The following LOXL2 variants were observed in gnomAD, a reference collection of about 807,000 sequenced individuals.
The protein encoded by LOXL2 is lysyl oxidase homolog 2.
Under a neutral mutation model 93.0 loss-of-function variants are expected in LOXL2, and 70 were observed. The observed-to-expected ratio is 0.75, with a 90% CI of 0.62 to 0.92. The LOEUF (loss-of-function observed/expected upper bound fraction) is 0.92. LOXL2 is among the 40% of genes least tolerant of loss of function. The pLI, the probability that LOXL2 is intolerant of heterozygous loss-of-function variation, is 0.00. For missense variants in LOXL2, 973 were observed against 1,054.9 expected (o/e 0.92, Z 1.08); for synonymous variants, 438 against 413.2 (o/e 1.06, Z -0.73).
chr8:23,346,118 A>T (rs1803970621), intron 3 of LOXL2, among the ~76,000 whole-genome samples: 1 of 64,048 alleles, frequency 1.6e-5, no homozygotes, highest in Admixed American at 1.7e-4. Context: ...AAATAAAATT[A>T]AAATAAAATA....
In LOXL2 at chr8:23,300,696, T is replaced by C. The variant is rs187849065; in HGVS notation, c.2133+1331A>G. 3.2e-3 allele frequency among the ~76,000 whole-genome samples: 493 copies of C among 152,312 alleles called. 3 individuals carry two copies. The highest frequency in any genetic ancestry group is 3.6e-3 in the Non-Finnish European group (248 of 68,024). On this transcript the variant is annotated intron_variant, in intron 12 of 13. Coordinates refer to ENST00000389131, the MANE Select transcript of LOXL2 (RefSeq NM_002318.3). ...AATAAAGAGTTGATATGTCTGGGGT[T>C]GGGTGGCCGTGAAATGAGGGTAATG...
chr8:23,397,850 ACTCGGGAGGCTGAGGCAGGAGAATCTC>A (rs1800111591), intron 1 of LOXL2, among the ~76,000 whole-genome samples: 1 of 150,224 alleles, frequency 6.7e-6, no homozygotes. Context: ...AATCCCAGCT[ACTCGGGAGGCTGAGGCAGGAGAATCTC>A]TTGAACCTGG....
intron 4 of LOXL2, among the ~76,000 whole-genome samples, chr8:23,334,841 G>A (rs1166455280): frequency 1.3e-5 from 2 of 149,854 alleles, no homozygotes; most frequent in Non-Finnish European, 3.0e-5. Context: ...TTTTGAGATG[G>A]AGTCTCACTC....
Position 23,322,170 on chromosome 8 carries a change from C to G in LOXL2, c.1262G>C (p.Gly421Ala). 1 of 1,614,230 alleles carries G rather than the reference C, an allele frequency of 6.2e-7. No individual in the cohort carries two copies. The highest frequency in any genetic ancestry group is 8.5e-7 in the Non-Finnish European group (1 of 1,180,030). Residue 421 changes from glycine (G) to alanine (A), a missense_variant, in exon 7 of 14, where the codon GGT becomes GCT. By Grantham distance (60) the Gly-to-Ala change is moderately conservative (BLOSUM62 0). Coordinates refer to ENST00000389131, the MANE Select transcript of LOXL2 (RefSeq NM_002318.3). ...SQGCNHEEDA[G>A]VRCNTPAMGL... ...CATGGCAGGGGTGTTGCATCTCACA[C>G]CAGCATCCTCCTCGTGGTTGCAGCC...
At chr8:23,392,131 A>T (rs533948466) in intron 1 of LOXL2, among the ~76,000 whole-genome samples, 1 of 152,182 alleles carries the variant, frequency 6.6e-6, no homozygotes, top group Non-Finnish European at 1.5e-5. Context: ...TGCTTGTCCT[A>T]TGACAGCCAA....
chr8:23,298,796 C>T, intron 13 of LOXL2, 40 bp downstream of exon 13: 4 of 1,320,472 alleles, frequency 3.0e-6, no homozygotes, highest in South Asian at 1.2e-5. Context: ...AGTAGGGCAG[C>T]TCCCGCCTGC....
rs1358873733 is a variant in LOXL2, at chr8:23,309,862, G to T, written c.1686C>A (p.Tyr562Ter). Residue 562 changes from tyrosine (Y) to a stop codon, truncating the protein, a stop_gained, in exon 10 of 14, where the codon TAC becomes TAA. Coordinates refer to ENST00000389131, the MANE Select transcript of LOXL2 (RefSeq NM_002318.3). LOFTEE classifies it high-confidence loss of function. The part of the protein sequence containing the change: ...LNAEMVQQTT[Y>*]LEDRPMFMLQ... Reference sequence around the variant, plus strand: ...GCATGAACATGGGCCGGTCCTCCAGGTAGGTGGTCTGCTGCACCATCTCCG... The same window carrying T: ...GCATGAACATGGGCCGGTCCTCCAGTTAGGTGGTCTGCTGCACCATCTCCG... 1 of 1,585,714 alleles carries T rather than the reference G, an allele frequency of 6.3e-7. No homozygotes were observed.
chr8:23,336,100 G>A (rs12541356), intron 4 of LOXL2: 8,891 of 152,266 alleles, frequency 0.058, 522 homozygotes, highest in East Asian at 0.17. Flanking sequence ...ACACAGGGGC[G>A]GGAGAAGATA....
At chr8:23,385,244 CTTTTTTTTTT>C (rs67050683) in intron 1 of LOXL2, among the ~76,000 whole-genome samples, 1 of 132,782 alleles carries the variant, frequency 7.5e-6, no homozygotes, top group East Asian at 2.2e-4. Flanking sequence ...GATTTTTTTT[CTTTTTTTTTT>C]TTTTTTTGAG....
At chr8:23,373,681 G>A (rs1241687472) in intron 1 of LOXL2, among the ~76,000 whole-genome samples, 1 of 152,110 alleles carries the variant, frequency 6.6e-6, no homozygotes, top group Non-Finnish European at 1.5e-5. Flanking sequence ...GATGTGGTAG[G>A]CACTGTTATT....
intron 6 of LOXL2, among the ~76,000 whole-genome samples, chr8:23,326,718 T>TG (rs750616039): frequency 1.3e-5 from 2 of 152,092 alleles, no homozygotes; most frequent in Non-Finnish European, 2.9e-5. Flanking sequence ...CGCGCCACTG[T>TG]GCTGGGTGAC....
chr8:23,360,138 T>C lies in LOXL2; in HGVS notation c.483A>G (p.Lys161=), dbSNP rs1804264831. 6.2e-7 allele frequency: 1 copy of C among 1,612,010 alleles called. No homozygotes were observed. The highest frequency in any genetic ancestry group is 8.5e-7 in the Non-Finnish European group (1 of 1,178,186). ...TEDVGVVCSD[K]RIPGFKFDNS... ...TGTCAAATTTGAACCCAGGAATCCT[T>C]TTGTCGCTGCACACCACACCGACAT... The change falls in exon 3 of 14, where the codon AAA becomes AAG. Residue 161 remains lysine (K), a synonymous_variant. Transcript: ENST00000389131.
intron 9 of LOXL2, among the ~76,000 whole-genome samples, chr8:23,311,926 G>C (rs1037875431): frequency 6.6e-6 from 1 of 152,216 alleles, no homozygotes; most frequent in African/African-American, 2.4e-5. Flanking sequence ...TGAAGGAGGA[G>C]TGGGGATTCG....
intron 6 of LOXL2, among the ~76,000 whole-genome samples, chr8:23,325,054 T>C (rs1563190564): frequency 6.6e-6 from 1 of 152,182 alleles, no homozygotes; most frequent in South Asian, 2.1e-4. Context: ...GCCAGCCAGT[T>C]TGTCTACTCA....
At chr8:23,299,528 C>T (rs1230748586) in intron 12 of LOXL2, among the ~76,000 whole-genome samples, 1 of 152,178 alleles carries the variant, frequency 6.6e-6, no homozygotes, top group Non-Finnish European at 1.5e-5. Context: ...TTCCACCCAC[C>T]CCTGTATCCG....
At chr8:23,346,182 T>C (rs868649657) in intron 3 of LOXL2, among the ~76,000 whole-genome samples, 1 of 100,508 alleles carries the variant, frequency 9.9e-6, no homozygotes, top group Non-Finnish European at 2.0e-5. Context: ...ATAAATAAAA[T>C]AATAAAATAA....
In LOXL2 at chr8:23,373,123, T is replaced by G. The variant is rs559277205; in HGVS notation, c.-83-4689A>C. Among the ~76,000 whole-genome samples the G allele has an allele frequency of 7.9e-5, 12 of 152,312 alleles. No individual in the cohort carries two copies. In the East Asian group the frequency reaches 2.1e-3, roughly 27 times the overall value. On this transcript the variant is annotated intron_variant, in intron 1 of 13. Transcript: ENST00000389131. Reference sequence around the variant, plus strand: ...GGATGAGGAAATCTATTATCATGCATCTCCATCCAGCTCACAGTACTAAAT... The same window carrying G: ...GGATGAGGAAATCTATTATCATGCAGCTCCATCCAGCTCACAGTACTAAAT...
At chr8:23,364,362 GA>G (rs926068732) in intron 2 of LOXL2, 1 of 152,228 alleles carries the variant, frequency 6.6e-6, no homozygotes, top group Non-Finnish European at 1.5e-5. Flanking sequence ...TTGGACACAA[GA>G]AAGCCATTCA....
At chr8:23,311,274 G>C (rs1438518714) in intron 9 of LOXL2, among the ~76,000 whole-genome samples, 2 of 152,240 alleles carry the variant, frequency 1.3e-5, no homozygotes, top group African/African-American at 4.8e-5. Context: ...CCACTCGCAA[G>C]AATTGGGTGT....
Sources: gnomAD v4.1 joint callset for allele counts (sites outside exome capture counted in the v4.1 genomes callset) on GRCh38, gnomAD v4.1.1 for gene constraint, MANE v1.5 for transcripts, NCBI Gene and HGNC (gene_info 2026-07-23, HGNC 2026-07-21) for gene names.